The following GLRA2 variants were observed in gnomAD, a reference collection of about 807,000 sequenced individuals.
GLRA2 encodes the protein glycine receptor alpha 2, also known as glycine receptor subunit alpha-2.
A neutral mutation model predicts 31.6 loss-of-function variants in GLRA2; 11 were observed. That is an observed-to-expected ratio of 0.35 (90% CI 0.22 to 0.58). The LOEUF is 0.58. GLRA2 is among the 20% of genes least tolerant of loss of function. The pLI is 0.84. For missense variants in GLRA2, 212 were observed against 351.8 expected (o/e 0.60, Z 3.18); for synonymous variants, 132 against 134.0 (o/e 0.99, Z 0.10).
intron 2 of GLRA2, among the ~76,000 whole-genome samples, chrX:14,558,792 T>C (rs1391704199): frequency 9.0e-6 from 1 of 111,320 alleles, no homozygotes; most frequent in Non-Finnish European, 1.9e-5. Flanking sequence ...ATATTTAAGC[T>C]ACCTTAGGTG....
chrX:14,571,849 A>G (rs779497184), intron 2 of GLRA2, among the ~76,000 whole-genome samples: 1 of 111,958 alleles, frequency 8.9e-6, no homozygotes, highest in Non-Finnish European at 1.9e-5. Context: ...TACCATGGTT[A>G]GCAGGCCAGG....
At chrX:14,507,797 G>A in the GLRA2 span, among the ~76,000 whole-genome samples, 117 of 98,133 alleles carry the variant, frequency 1.2e-3, no homozygotes, top group African/African-American at 4.1e-3. Context: ...GGGTTTAAGC[G>A]ATTCTCCTGC....
intron 7 of GLRA2, among the ~76,000 whole-genome samples, chrX:14,655,411 C>T (rs2090929590): frequency 1.8e-5 from 2 of 111,287 alleles, no homozygotes; most frequent in South Asian, 3.8e-4. Context: ...GTAATCTGGG[C>T]GAGGTCACCT....
the GLRA2 span, among the ~76,000 whole-genome samples, chrX:14,520,303 A>T: frequency 1.8e-5 from 2 of 112,651 alleles, no homozygotes; most frequent in Non-Finnish European, 3.7e-5. Flanking sequence ...TGCTACTGCA[A>T]CAATCAATCT....
the GLRA2 span, among the ~76,000 whole-genome samples, chrX:14,469,516 TA>T: frequency 9.3e-6 from 1 of 107,423 alleles, no homozygotes; most frequent in African/African-American, 3.4e-5. Flanking sequence ...TATGCAGCCA[TA>T]AAAAAGGATG....
intron 7 of GLRA2, among the ~76,000 whole-genome samples, chrX:14,659,284 C>A (rs1356252639): frequency 8.9e-6 from 1 of 111,971 alleles, no homozygotes; most frequent in Non-Finnish European, 1.9e-5. Context: ...AGAAAGTTTG[C>A]TGACTCCAGC....
intron 4 of GLRA2, among the ~76,000 whole-genome samples, chrX:14,599,102 G>A (rs1212088594): frequency 1.8e-5 from 2 of 112,188 alleles, no homozygotes; most frequent in African/African-American, 6.5e-5. Context: ...AAATAGGAAT[G>A]CTTGCTCAGC....
chrX:14,688,394 G>A (rs920758084), intron 7 of GLRA2, among the ~76,000 whole-genome samples: 15 of 111,540 alleles, frequency 1.3e-4, no homozygotes, highest in African/African-American at 4.9e-4. Flanking sequence ...GCCCTGCCCC[G>A]AGAGGTGGAG....
intron 2 of GLRA2, among the ~76,000 whole-genome samples, chrX:14,559,015 G>C (rs1437471331): frequency 9.0e-6 from 1 of 110,774 alleles, no homozygotes; most frequent in Non-Finnish European, 1.9e-5. Flanking sequence ...AGTAGAGACG[G>C]GGTTTCGCCA....
intron 8 of GLRA2, among the ~76,000 whole-genome samples, chrX:14,697,871 T>C (rs1049337599): frequency 8.0e-5 from 9 of 112,379 alleles, no homozygotes; most frequent in Non-Finnish European, 1.5e-4. Flanking sequence ...TTGTATGATA[T>C]AAATCCGTTT....
At chrX:14,484,691 T>C in the GLRA2 span, among the ~76,000 whole-genome samples, 101 of 111,904 alleles carry the variant, frequency 9.0e-4, no homozygotes, top group African/African-American at 3.1e-3. Flanking sequence ...AAAAACCAAG[T>C]GCCTAATGGC....
At chrX:14,541,572 C>T (rs946734803) in intron 2 of GLRA2, among the ~76,000 whole-genome samples, 2 of 111,645 alleles carry the variant, frequency 1.8e-5, no homozygotes, top group African/African-American at 6.5e-5. Context: ...TCATGACCAA[C>T]AAGACAGTCA....
chrX:14,724,653 CA>C (rs2091910014), intron 8 of GLRA2, among the ~76,000 whole-genome samples: 1 of 65,114 alleles, frequency 1.5e-5, no homozygotes, highest in Non-Finnish European at 2.8e-5. Context: ...AAAAAAAAAA[CA>C]AGAAGAAGAA....
chrX:14,488,350 G>A, the GLRA2 span, among the ~76,000 whole-genome samples: 1 of 112,197 alleles, frequency 8.9e-6, no homozygotes. Context: ...GAGATACTAG[G>A]TGGGGATTGA....
intron 4 of GLRA2, among the ~76,000 whole-genome samples, chrX:14,589,497 A>T (rs1166539873): frequency 9.3e-5 from 2 of 21,484 alleles, no homozygotes; most frequent in African/African-American, 2.9e-4. Flanking sequence ...ATCTGTACTA[A>T]AAAAAAAAAA....
In GLRA2 at chrX:14,702,916, T is replaced by A. The variant is rs1035659909; in HGVS notation, c.1080+12057T>A. On this transcript the variant is annotated intron_variant, in intron 8 of 8. Transcript: ENST00000218075. ...TACAGAGAGGAGAGGACAAGGGGAC[T>A]CCCAGTGGGGAGGTGAATCAGAGGG... 1.5e-4 allele frequency among the ~76,000 whole-genome samples: 17 copies of A among 111,288 alleles called. No homozygotes were observed. The Admixed American group carries it at 1.6e-3, about 11-fold the overall frequency.
intron 8 of GLRA2, among the ~76,000 whole-genome samples, chrX:14,695,692 C>G (rs1207325583): frequency 8.9e-6 from 1 of 111,833 alleles, no homozygotes; most frequent in Non-Finnish European, 1.9e-5. Flanking sequence ...GGGAGAATGA[C>G]TATGGTTGCT....
Position 14,730,387 on chromosome X carries a change from A to G in GLRA2, c.1261A>G (p.Ile421Val), listed in dbSNP as rs200619146. ...GGACCGGGCAAAAAGGATTGACACG[A>G]TATCTCGAGCTGCCTTCCCATTGGC... ...FVDRAKRIDTISRAAFPLAFL... is the reference protein window; with the variant it reads ...FVDRAKRIDTVSRAAFPLAFL... Residue 421 changes from isoleucine (I) to valine (V), a missense_variant, in exon 9 of 9, where the codon ATA becomes GTA. Ile to Val is a conservative substitution (Grantham distance 29, BLOSUM62 3). Coordinates refer to ENST00000218075, the MANE Select transcript of GLRA2 (RefSeq NM_002063.4). 5.5e-4 allele frequency: 659 copies of G among 1,204,063 alleles called. No individual in the cohort carries two copies. Among genetic ancestry groups the G allele is most frequent in the Non-Finnish European group, 6.4e-4 (574 of 890,724 alleles).
At chrX:14,561,698 G>A (rs976293383) in intron 2 of GLRA2, among the ~76,000 whole-genome samples, 1 of 112,232 alleles carries the variant, frequency 8.9e-6, no homozygotes, top group Non-Finnish European at 1.9e-5. Context: ...CTGCAGACTA[G>A]AGAATCATAA....
Sources: allele counts gnomAD v4.1 joint callset (sites outside exome capture counted in the v4.1 genomes callset), GRCh38; gene constraint gnomAD v4.1.1; transcripts MANE v1.5; gene names NCBI Gene and HGNC (gene_info 2026-07-23, HGNC 2026-07-21).